ZMAT3: variants seen among roughly 807,000 people sequenced by gnomAD.
The protein encoded by ZMAT3 is zinc finger matrin-type protein 3.
Under a neutral mutation model 32.3 loss-of-function variants are expected in ZMAT3, and 17 were observed. The observed-to-expected ratio is 0.53, with a 90% CI of 0.36 to 0.79. The LOEUF (loss-of-function observed/expected upper bound fraction) is 0.79. Ranked by LOEUF, ZMAT3 falls within the 30% of genes least tolerant of loss-of-function variation. The probability of loss-of-function intolerance (pLI) is 0.00; values close to 1 mark genes in which losing one functional copy is unlikely to be tolerated. For synonymous variants in ZMAT3, 120 were observed against 133.1 expected (o/e 0.90, Z 0.68); for missense variants, 329 against 359.7 (o/e 0.91, Z 0.69).
rs561447815 is a variant in ZMAT3 at position 179,057,009 on chromosome 3, T to C, written c.270+10474A>G. ...AAGTCTGGGCAACAAAAGGACAATA[T>C]GGATGAGCAAAGAATGCCTGTCCAG... is the stretch of plus-strand genomic sequence containing the variant. On this transcript the variant is annotated intron_variant, in intron 2 of 5. Coordinates refer to ENST00000311417, the MANE Select transcript of ZMAT3 (RefSeq NM_022470.4). Among the ~76,000 whole-genome samples, 3 of 152,262 alleles carry C rather than the reference T, an allele frequency of 2.0e-5. No individual in the cohort carries two copies. The South Asian group carries it at 6.2e-4, about 32-fold the overall frequency.
intron 2 of ZMAT3, among the ~76,000 whole-genome samples, chr3:179,043,284 A>G (rs1300663595): frequency 6.6e-6 from 1 of 152,246 alleles, no homozygotes; most frequent in East Asian, 1.9e-4. Context: ...CTAAGCCAAA[A>G]GAACAAAGCT....
At position 179,028,865 on chromosome 3, in the gene ZMAT3, A is replaced by C. The variant is rs116453689; in HGVS notation, c.391-1053T>G. Among the ~76,000 whole-genome samples, 523 of 152,342 alleles carry C rather than the reference A, an allele frequency of 3.4e-3. 2 individuals carry two copies. Among genetic ancestry groups the C allele is most frequent in the African/African-American group, 0.012 (498 of 41,574 alleles). On this transcript the variant is annotated intron_variant, in intron 3 of 5. Transcript: ENST00000311417. ...GGTTAAAAGCAAAGGTCTAAGATCA[A>C]AAGAAATTCTTGGGCTGGACACGGT... is the stretch of plus-strand genomic sequence containing the variant.
chr3:179,068,855 G>A (rs973098420), intron 1 of ZMAT3, among the ~76,000 whole-genome samples: 3 of 152,186 alleles, frequency 2.0e-5, no homozygotes, highest in African/African-American at 4.8e-5. Flanking sequence ...AAAATCAAGA[G>A]ATTCATGGCT....
chr3:179,038,790 G>C (rs1338697887), intron 2 of ZMAT3, among the ~76,000 whole-genome samples: 1 of 152,206 alleles, frequency 6.6e-6, no homozygotes, highest in Admixed American at 6.5e-5. Context: ...GAGGTCAGGG[G>C]ATTTCCCTTT....
At position 179,067,789 on chromosome 3, in the gene ZMAT3, T is replaced by G. The variant is rs748245797; in HGVS notation, c.-37A>C. The G allele has an allele frequency of 6.2e-7, 1 of 1,605,456 alleles. No homozygotes were observed. Among genetic ancestry groups the G allele is most frequent in the African/African-American group, 1.3e-5 (1 of 74,720 alleles). On this transcript the variant is annotated 5_prime_UTR_variant, in exon 2 of 6. Coordinates refer to ENST00000311417, the MANE Select transcript of ZMAT3 (RefSeq NM_022470.4). Reference sequence around the variant, plus strand: ...GCCTGGGGCATAATCCAGTGGGTGATGAGAAGCAAGGTCTTCAAATCTGAA... The same window carrying G: ...GCCTGGGGCATAATCCAGTGGGTGAGGAGAAGCAAGGTCTTCAAATCTGAA...
intron 1 of ZMAT3, among the ~76,000 whole-genome samples, chr3:179,070,625 A>T (rs747310386): frequency 2.0e-5 from 3 of 152,240 alleles, no homozygotes; most frequent in Non-Finnish European, 4.4e-5. Flanking sequence ...CATGCAACTC[A>T]GATCTGTTCA....
intron 2 of ZMAT3, among the ~76,000 whole-genome samples, chr3:179,045,340 C>T (rs987802709): frequency 6.6e-6 from 1 of 152,000 alleles, no homozygotes; most frequent in Non-Finnish European, 1.5e-5. Flanking sequence ...AAGGATGCTC[C>T]TAGAAGTATT....
At chr3:179,066,539 CTGTG>C (rs1721427575) in intron 2 of ZMAT3, among the ~76,000 whole-genome samples, 1 of 152,168 alleles carries the variant, frequency 6.6e-6, no homozygotes. Context: ...GAAGAAACAC[CTGTG>C]TAACAGTCTT....
At position 179,067,337 on chromosome 3, in the gene ZMAT3, T is replaced by A. The variant is rs533127076; in HGVS notation, c.270+146A>T. ...TATTTTTAAAGTAAAAACATAAGGC[T>A]TTTAATCAAACAAATTCATAGTTAG... On this transcript the variant is annotated intron_variant, in intron 2 of 5. Coordinates refer to ENST00000311417, the MANE Select transcript of ZMAT3 (RefSeq NM_022470.4). 1.0e-5 allele frequency: 9 copies of A among 884,930 alleles called. No homozygotes were observed. The East Asian group carries it at 2.0e-4, about 19-fold the overall frequency. 54.8% of individuals were successfully genotyped at this position (884,930 alleles called of 1,614,324 possible).
chr3:179,070,312 A>G (rs1721644715), intron 1 of ZMAT3, among the ~76,000 whole-genome samples: 1 of 152,260 alleles, frequency 6.6e-6, no homozygotes, highest in South Asian at 2.1e-4. Context: ...ACAGAGGCAC[A>G]AAAGGCCTCC....
chr3:179,032,896 C>T (rs1374671461), intron 2 of ZMAT3, among the ~76,000 whole-genome samples: 2 of 150,066 alleles, frequency 1.3e-5, no homozygotes, highest in African/African-American at 2.5e-5. Flanking sequence ...GCCGCTACAC[C>T]GTCTGGGAGG....
rs1265900695 is a variant in ZMAT3 at position 179,022,429 on chromosome 3, G to C, written c.*2588C>G. On this transcript the variant is annotated 3_prime_UTR_variant, in exon 6 of 6. Transcript: ENST00000311417. The stretch of plus-strand genomic sequence containing the variant: ...TGACAACATATATGTACGTGTGTGT[G>C]TGGGGGTATGCATACACACACATCT... The C allele has an allele frequency of 1.3e-5, 2 of 152,028 alleles. No homozygotes were observed. Among genetic ancestry groups the C allele is most frequent in the Non-Finnish European group, 2.9e-5 (2 of 67,988 alleles). The allele number at this position is 152,028 out of a possible 1,614,324, so 9.4% of individuals were successfully genotyped here. A position where few individuals can be genotyped will look rare whatever the true frequency, so the allele number is the denominator to read the frequency against.
At chr3:179,044,693 T>A (rs1408918498) in intron 2 of ZMAT3, among the ~76,000 whole-genome samples, 1 of 152,016 alleles carries the variant, frequency 6.6e-6, no homozygotes, top group East Asian at 1.9e-4. Context: ...TGGAATACTA[T>A]GCAGCCATAA....
chr3:179,024,623 T>C lies in ZMAT3; in HGVS notation c.*394A>G. On this transcript the variant is annotated 3_prime_UTR_variant, in exon 6 of 6. Coordinates refer to ENST00000311417, the MANE Select transcript of ZMAT3 (RefSeq NM_022470.4). ...TTACTGTGATCTAAAAAGAATTCAG[T>C]ACAATTCTTTAACAGTACATAAAAC... 2 of 180,894 alleles carry C rather than the reference T, an allele frequency of 1.1e-5. No individual in the cohort carries two copies. The highest frequency in any genetic ancestry group is 1.2e-4 in the South Asian group (1 of 8,054). 11.2% of individuals were successfully genotyped at this position (180,894 alleles called of 1,614,324 possible). A position where few individuals can be genotyped will look rare whatever the true frequency, so the allele number is the denominator to read the frequency against.
chr3:179,035,990 C>T (rs1288664678), intron 2 of ZMAT3, among the ~76,000 whole-genome samples: 1 of 152,180 alleles, frequency 6.6e-6, no homozygotes. Context: ...GGAGAGATAA[C>T]GGTCTTCTAG....
At chr3:179,041,749 G>A (rs1189435434) in intron 2 of ZMAT3, among the ~76,000 whole-genome samples, 1 of 152,086 alleles carries the variant, frequency 6.6e-6, no homozygotes, top group African/African-American at 2.4e-5. Context: ...AGAACTGAAA[G>A]AGACAGACAC....
chr3:179,042,809 G>A (rs1720024175), intron 2 of ZMAT3, among the ~76,000 whole-genome samples: 1 of 152,204 alleles, frequency 6.6e-6, no homozygotes, highest in East Asian at 1.9e-4. Flanking sequence ...TGACATGATT[G>A]TATATTTAGA....
rs544869344 is a variant in ZMAT3 at position 179,020,139 on chromosome 3, A to G, written c.*4878T>C. ...TGTTATTCCAAGCTCCTATTTATGA[A>G]TGGTGATTAATAGCAATAATTCTGT... On this transcript the variant is annotated 3_prime_UTR_variant, in exon 6 of 6. Transcript: ENST00000311417. 23 of 152,318 alleles carry G rather than the reference A, an allele frequency of 1.5e-4. No individual in the cohort carries two copies. Among genetic ancestry groups the G allele is most frequent in the Admixed American group, 1.1e-3 (17 of 15,288 alleles). 9.4% of individuals were successfully genotyped at this position (152,318 alleles called of 1,614,324 possible). A position where few individuals can be genotyped will look rare whatever the true frequency, so the allele number is the denominator to read the frequency against.
At chr3:179,070,426 A>G (rs1295165149) in intron 1 of ZMAT3, among the ~76,000 whole-genome samples, 2 of 152,266 alleles carry the variant, frequency 1.3e-5, no homozygotes, top group African/African-American at 4.8e-5. Flanking sequence ...GTAGCTTGAT[A>G]TCCCAAATTT....
Sources: allele counts gnomAD v4.1 joint callset (sites outside exome capture counted in the v4.1 genomes callset), GRCh38; gene constraint gnomAD v4.1.1; transcripts MANE v1.5; gene names NCBI Gene and HGNC (gene_info 2026-07-23, HGNC 2026-07-21).